Variants in ADK observed in about 807,000 individuals in gnomAD.
The protein encoded by ADK is N6,N6-dimethyladenosine kinase.
Under a neutral mutation model 44.7 loss-of-function variants are expected in ADK, and 24 were observed. The observed-to-expected ratio is 0.54, with a 90% CI of 0.39 to 0.76. ADK has a LOEUF of 0.76. ADK is among the 30% of genes least tolerant of loss of function. The pLI, the probability that ADK is intolerant of heterozygous loss-of-function variation, is 0.00. For synonymous variants in ADK, 128 were observed against 142.6 expected (o/e 0.90, Z 0.73); for missense variants, 321 against 425.1 (o/e 0.76, Z 2.15).
chr10:74,644,281 C>A (rs1392933795), intron 9 of ADK, among the ~76,000 whole-genome samples: 1 of 152,176 alleles, frequency 6.6e-6, no homozygotes, highest in Non-Finnish European at 1.5e-5. Context: ...AAGGTTTAAT[C>A]TGATATTAAT....
chr10:74,494,205 T>C (rs1224731558), intron 6 of ADK, among the ~76,000 whole-genome samples: 1 of 152,122 alleles, frequency 6.6e-6, no homozygotes, highest in African/African-American at 2.4e-5. Context: ...GACAGCCCTT[T>C]TAGCTATTTC....
In ADK at chr10:74,303,585, GTTGTTTTTTT is replaced by G. The variant is rs1429116960; in HGVS notation, c.195-11079_195-11070del. The stretch of plus-strand genomic sequence containing the variant: ...AAACACTTTTCATATTGGTTTTAAT[GTTGTTTTTTT>G]TTTTTTTTTTTTTTTTTTTGCTAGA... On this transcript the variant is annotated intron_variant, in intron 3 of 10. Coordinates refer to ENST00000539909, the MANE Select transcript of ADK (RefSeq NM_006721.4). Among the ~76,000 whole-genome samples the G allele has an allele frequency of 6.5e-4, 42 of 64,648 alleles. 4 individuals are homozygous for G. The highest frequency in any genetic ancestry group is 6.3e-3 in the Admixed American group (30 of 4,770). 42.4% of individuals were successfully genotyped at this position (64,648 alleles called of 152,430 possible). A position where few individuals can be genotyped will look rare whatever the true frequency, so the allele number is the denominator to read the frequency against.
intron 7 of ADK, among the ~76,000 whole-genome samples, chr10:74,550,945 C>G (rs2133778903): frequency 6.6e-6 from 1 of 152,254 alleles, no homozygotes; most frequent in African/African-American, 2.4e-5. Flanking sequence ...TCAAGCAATC[C>G]TCCTGCTTCA....
chr10:74,497,712 T>A (rs1405709508), intron 6 of ADK, among the ~76,000 whole-genome samples: 2 of 152,142 alleles, frequency 1.3e-5, no homozygotes, highest in Non-Finnish European at 2.9e-5. Flanking sequence ...ACTCCTGTAG[T>A]CCCAGCTGCT....
At chr10:74,376,032 T>TA (rs541778067) in intron 4 of ADK, among the ~76,000 whole-genome samples, 67 of 149,482 alleles carry the variant, frequency 4.5e-4, no homozygotes, top group African/African-American at 5.6e-4. Context: ...CATTTCCGTC[T>TA]AAAAAAAAAA....
At chr10:74,340,242 G>T (rs1345084384) in intron 4 of ADK, among the ~76,000 whole-genome samples, 3 of 152,226 alleles carry the variant, frequency 2.0e-5, no homozygotes, top group Non-Finnish European at 4.4e-5. Flanking sequence ...GTAAGGAAAA[G>T]GTGTGAAATT....
rs903549461 is a variant in ADK at position 74,618,469 on chromosome 10, T to C, written c.877+17976T>C. Among the ~76,000 whole-genome samples the C allele has an allele frequency of 2.6e-5, 4 of 152,278 alleles. No homozygotes were observed. In the South Asian group the frequency reaches 8.3e-4, roughly 32 times the overall value. On this transcript the variant is annotated intron_variant, in intron 9 of 10. Transcript: ENST00000539909. ...TCATACCCAGCTAGTTTTTGTGTTTTTATTAGAGACAGTTTTGCCATGTTG... is the reference window on the plus strand; with the variant it reads ...TCATACCCAGCTAGTTTTTGTGTTTCTATTAGAGACAGTTTTGCCATGTTG...
At chr10:74,537,094 C>T (rs949997343) in intron 7 of ADK, among the ~76,000 whole-genome samples, 1 of 152,192 alleles carries the variant, frequency 6.6e-6, no homozygotes, top group South Asian at 2.1e-4. Context: ...AATTTCTCCA[C>T]CTCCTCACCA....
chr10:74,326,442 A>AC, intron 4 of ADK, among the ~76,000 whole-genome samples: 1 of 152,054 alleles, frequency 6.6e-6, no homozygotes, highest in East Asian at 1.9e-4. Context: ...AAAAAAAAAA[A>AC]AAAAAAATTA....
intron 9 of ADK, chr10:74,655,563 C>A: frequency 4.1e-6 from 2 of 486,940 alleles, no homozygotes; most frequent in Non-Finnish European, 8.2e-6. Context: ...CTGGCTGGCC[C>A]CAAGAAAGAG....
intron 2 of ADK, among the ~76,000 whole-genome samples, chr10:74,213,957 A>C (rs1028561236): frequency 6.6e-6 from 1 of 152,238 alleles, no homozygotes; most frequent in African/African-American, 2.4e-5. Context: ...CATTTTGAAC[A>C]ATTATCAGTA....
chr10:74,184,406 T>C (rs1285674516), intron 1 of ADK, among the ~76,000 whole-genome samples: 1 of 152,094 alleles, frequency 6.6e-6, no homozygotes, highest in Non-Finnish European at 1.5e-5. Flanking sequence ...CATGGCTCAC[T>C]GTAACCTTGA....
At chr10:74,328,346 T>C (rs1176633075) in intron 4 of ADK, among the ~76,000 whole-genome samples, 2 of 152,154 alleles carry the variant, frequency 1.3e-5, no homozygotes, top group African/African-American at 2.4e-5. Context: ...TTACATACTA[T>C]GCTTACAATA....
intron 1 of ADK, among the ~76,000 whole-genome samples, chr10:74,174,110 C>T (rs550683384): frequency 2.4e-4 from 37 of 151,144 alleles, no homozygotes; most frequent in Admixed American, 2.4e-3. Flanking sequence ...CAAGCCCAGC[C>T]TGGCCAACAC....
chr10:74,451,550 C>T (rs896276234), intron 6 of ADK, among the ~76,000 whole-genome samples: 4 of 152,088 alleles, frequency 2.6e-5, no homozygotes, highest in African/African-American at 9.7e-5. Context: ...TGAAACCTAT[C>T]TTTCTGAAGT....
chr10:74,508,787 C>G (rs1282451673), intron 6 of ADK, among the ~76,000 whole-genome samples: 1 of 151,974 alleles, frequency 6.6e-6, no homozygotes, highest in Non-Finnish European at 1.5e-5. Context: ...TGATATGGCT[C>G]TTACATTTGG....
chr10:74,251,118 T>A (rs1018687488), intron 3 of ADK, among the ~76,000 whole-genome samples: 4 of 152,174 alleles, frequency 2.6e-5, no homozygotes, highest in African/African-American at 7.2e-5. Context: ...AAGTTTTGTG[T>A]TTAGTGTCTG....
intron 6 of ADK, among the ~76,000 whole-genome samples, chr10:74,400,159 A>C (rs1843658824): frequency 6.6e-6 from 1 of 152,156 alleles, no homozygotes; most frequent in Admixed American, 6.5e-5. Flanking sequence ...GAAATTAATA[A>C]GGCAAATGAT....
chr10:74,418,525 A>G (rs974073675), intron 6 of ADK, among the ~76,000 whole-genome samples: 2 of 152,214 alleles, frequency 1.3e-5, no homozygotes, highest in Admixed American at 6.5e-5. Context: ...GAGGCGATTA[A>G]TGACAAAGCA....
Sources: gnomAD v4.1 joint callset for allele counts (sites outside exome capture counted in the v4.1 genomes callset) on GRCh38, gnomAD v4.1.1 for gene constraint, MANE v1.5 for transcripts, NCBI Gene and HGNC (gene_info 2026-07-23, HGNC 2026-07-21) for gene names.